Variants in CADM2 observed in about 807,000 individuals in gnomAD.
The protein encoded by CADM2 is immunoglobulin superfamily member 4D.
In CADM2, 12 loss-of-function variants were observed where a neutral mutation model predicts 49.8. The ratio of observed to expected loss-of-function variants is 0.24; its 90% CI spans 0.15 to 0.39. CADM2 has a LOEUF of 0.39. Among genes scored for constraint, CADM2 ranks in the 10% least tolerant of loss-of-function variants. The pLI, the probability that CADM2 is intolerant of heterozygous loss-of-function variation, is 1.00. For missense variants in CADM2, 378 were observed against 492.3 expected (o/e 0.77, Z 2.20); for synonymous variants, 214 against 175.4 (o/e 1.22, Z -1.74).
intron 1 of CADM2, among the ~76,000 whole-genome samples, chr3:85,090,544 G>T (rs913548549): frequency 1.3e-5 from 2 of 152,082 alleles, no homozygotes; most frequent in Non-Finnish European, 2.9e-5. Context: ...CATTCTATTT[G>T]TCTAACATCT....
intron 8 of CADM2, among the ~76,000 whole-genome samples, chr3:85,969,953 TTGTG>T (rs1177907037): frequency 1.1e-4 from 14 of 129,532 alleles, no homozygotes; most frequent in Non-Finnish European, 1.6e-4. Context: ...AGGGGTGTGT[TTGTG>T]TGTGTGTGTG....
At chr3:85,906,827 G>A (rs536773322) in intron 5 of CADM2, among the ~76,000 whole-genome samples, 1 of 152,254 alleles carries the variant, frequency 6.6e-6, no homozygotes, top group South Asian at 2.1e-4. Context: ...GAACATTAAA[G>A]AAAAGTGTTT....
At chr3:85,877,684 G>GTTTTTTTTTTTTTTTTTTTTTTT (rs368101272) in intron 3 of CADM2, among the ~76,000 whole-genome samples, 3 of 112,018 alleles carry the variant, frequency 2.7e-5, no homozygotes, top group African/African-American at 3.3e-5. Context: ...TTTTTCTTCT[G>GTTTTTTTTTTTTTTTTTTTTTTT]TTTTTTTTTT....
At chr3:86,038,915 T>C (rs777559768) in intron 8 of CADM2, among the ~76,000 whole-genome samples, 3 of 152,206 alleles carry the variant, frequency 2.0e-5, no homozygotes, top group Non-Finnish European at 2.9e-5. Flanking sequence ...TTTCTGCCTC[T>C]AGTGACAGCT....
chr3:85,139,666 A>C (rs538183122), intron 1 of CADM2, among the ~76,000 whole-genome samples: 12 of 152,304 alleles, frequency 7.9e-5, no homozygotes, highest in Middle Eastern at 6.8e-3. Flanking sequence ...TATGAAAAAA[A>C]GCCATGTAAT....
intron 3 of CADM2, among the ~76,000 whole-genome samples, chr3:85,822,803 A>G (rs1461220967): frequency 6.6e-6 from 1 of 152,146 alleles, no homozygotes; most frequent in Non-Finnish European, 1.5e-5. Context: ...AAAATGTTCT[A>G]TCAGTGTTCT....
intron 1 of CADM2, among the ~76,000 whole-genome samples, chr3:84,992,062 A>C (rs558195321): frequency 1.3e-5 from 2 of 152,302 alleles, no homozygotes; most frequent in African/African-American, 4.8e-5. Context: ...GTATGATACT[A>C]TAATGATGGC....
At chr3:85,291,903 ACAT>A (rs2043808906) in intron 1 of CADM2, among the ~76,000 whole-genome samples, 1 of 151,648 alleles carries the variant, frequency 6.6e-6, no homozygotes, top group Non-Finnish European at 1.5e-5. Flanking sequence ...TAACCAGCTA[ACAT>A]CATAATGACA....
At chr3:85,819,937 T>G (rs1003198198) in intron 3 of CADM2, among the ~76,000 whole-genome samples, 1 of 151,854 alleles carries the variant, frequency 6.6e-6, no homozygotes, top group Non-Finnish European at 1.5e-5. Context: ...AAACAAAACT[T>G]GGGGAAGAGA....
At chr3:85,489,772 G>A (rs2039589097) in intron 1 of CADM2, among the ~76,000 whole-genome samples, 1 of 150,480 alleles carries the variant, frequency 6.6e-6, no homozygotes, top group South Asian at 2.1e-4. Flanking sequence ...GAGAGAGAGA[G>A]AGAGAAATTA....
chr3:86,009,209 A>ATG (rs4053703), intron 8 of CADM2, among the ~76,000 whole-genome samples: 88,258 of 143,238 alleles, frequency 0.62, 27,232 homozygotes, highest in African/African-American at 0.73. Context: ...ATATATGTGT[A>ATG]TGTGTGTGTA....
chr3:85,454,615 C>T (rs1307664872), intron 1 of CADM2, among the ~76,000 whole-genome samples: 1 of 152,092 alleles, frequency 6.6e-6, no homozygotes, highest in African/African-American at 2.4e-5. Flanking sequence ...ATCAAATTAC[C>T]CATTATGTCA....
At chr3:85,544,604 A>G (rs1194595663) in intron 1 of CADM2, among the ~76,000 whole-genome samples, 1 of 152,132 alleles carries the variant, frequency 6.6e-6, no homozygotes, top group Non-Finnish European at 1.5e-5. Flanking sequence ...AATAAAAAAA[A>G]GAGGAAAACA....
chr3:86,014,048 A>C (rs1731888680), intron 8 of CADM2: 18 of 1,329,326 alleles, frequency 1.4e-5, no homozygotes, highest in Non-Finnish European at 1.6e-5. Flanking sequence ...TTGACGATGT[A>C]ATTTCTGTTC....
chr3:85,516,875 AATTT>A (rs1553734629), intron 1 of CADM2, among the ~76,000 whole-genome samples: 2 of 152,036 alleles, frequency 1.3e-5, no homozygotes, highest in African/African-American at 2.4e-5. Flanking sequence ...TAATAAATTA[AATTT>A]ATTTATTTAA....
chr3:85,400,690 G>A (rs557878700), intron 1 of CADM2, among the ~76,000 whole-genome samples: 1 of 146,062 alleles, frequency 6.8e-6, no homozygotes, highest in Admixed American at 7.0e-5. Context: ...GGGTGTATGT[G>A]TCCAGGAATG....
At chr3:84,993,909 T>C (rs932972767) in intron 1 of CADM2, among the ~76,000 whole-genome samples, 1 of 152,192 alleles carries the variant, frequency 6.6e-6, no homozygotes, top group Non-Finnish European at 1.5e-5. Flanking sequence ...CTGTTAAAAT[T>C]CTATTTCATT....
intron 1 of CADM2, among the ~76,000 whole-genome samples, chr3:85,313,534 C>G (rs969151573): frequency 6.6e-6 from 1 of 152,058 alleles, no homozygotes; most frequent in Non-Finnish European, 1.5e-5. Flanking sequence ...GCCAAATGTG[C>G]CTTTTTGATG....
intron 1 of CADM2, among the ~76,000 whole-genome samples, chr3:85,470,295 G>T (rs947820541): frequency 2.6e-5 from 4 of 152,144 alleles, no homozygotes; most frequent in Non-Finnish European, 5.9e-5. Flanking sequence ...TAAGGAGTTA[G>T]CAAGCAAGGG....
Sources: gnomAD v4.1 joint callset for allele counts (sites outside exome capture counted in the v4.1 genomes callset) on GRCh38, gnomAD v4.1.1 for gene constraint, MANE v1.5 for transcripts, NCBI Gene and HGNC (gene_info 2026-07-23, HGNC 2026-07-21) for gene names.